Variants in CSMD3 observed in about 807,000 individuals in gnomAD.
The protein encoded by CSMD3 is CUB and sushi domain-containing protein 3.
CSMD3 carries 177 observed loss-of-function variants against 435.2 expected under a neutral mutation model. That is an observed-to-expected ratio of 0.41 (90% confidence interval 0.36 to 0.46). The LOEUF (loss-of-function observed/expected upper bound fraction) is 0.46, where lower values mean the gene tolerates loss of function less well. Ranked by LOEUF, CSMD3 falls within the 20% of genes least tolerant of loss-of-function variation. The pLI is 0.34. For synonymous variants in CSMD3, 1,656 were observed against 1,520.5 expected, an observed-to-expected ratio of 1.09 and a Z score of -2.07; for missense variants, 4,265 against 4,504.6, an observed-to-expected ratio of 0.95 and a Z score of 1.52.
chr8:112,585,124 A>G (rs1356027301), intron 23 of CSMD3, among the ~76,000 whole-genome samples: 1 of 151,626 alleles, frequency 6.6e-6, no homozygotes, highest in South Asian at 2.1e-4. Flanking sequence ...CAAATAAGGA[A>G]TCTAAAAGTT....
rs186243008 is a variant in CSMD3, at chr8:113,062,581, G to T, written c.917+36175C>A. On this transcript the variant is annotated intron_variant, in intron 5 of 70. Transcript: ENST00000297405. ...AAGCAGTAGGTATTAAAAAGCAGTTGAATAGGCCTATTACTACTGCTTATT... is the reference window on the plus strand; with the variant it reads ...AAGCAGTAGGTATTAAAAAGCAGTTTAATAGGCCTATTACTACTGCTTATT... Among the ~76,000 whole-genome samples, 478 of 151,774 alleles carry T rather than the reference G, an allele frequency of 3.1e-3. 1 individual carries two copies. The highest frequency in any genetic ancestry group is 0.01 in the African/African-American group (420 of 41,480).
At chr8:113,066,850 G>A (rs2088881371) in intron 5 of CSMD3, among the ~76,000 whole-genome samples, 1 of 152,038 alleles carries the variant, frequency 6.6e-6, no homozygotes, top group Non-Finnish European at 1.5e-5. Context: ...CATATAGGAT[G>A]GGACTAAGAA....
intron 1 of CSMD3, among the ~76,000 whole-genome samples, chr8:113,351,304 T>C (rs1197244623): frequency 1.3e-5 from 2 of 152,152 alleles, no homozygotes; most frequent in Admixed American, 1.3e-4. Flanking sequence ...AGATAGTTCC[T>C]ATAAAGGTAG....
intron 32 of CSMD3, among the ~76,000 whole-genome samples, chr8:112,462,071 T>A (rs920362359): frequency 3.9e-5 from 6 of 152,190 alleles, no homozygotes; most frequent in Non-Finnish European, 8.8e-5. Flanking sequence ...ACATGGCCAA[T>A]TAGAGGCAAA....
At chr8:113,262,413 T>C (rs1394760538) in intron 3 of CSMD3, among the ~76,000 whole-genome samples, 1 of 152,058 alleles carries the variant, frequency 6.6e-6, no homozygotes, top group Non-Finnish European at 1.5e-5. Context: ...CATAATATAG[T>C]AGGCATAATT....
intron 3 of CSMD3, among the ~76,000 whole-genome samples, chr8:113,238,797 C>T (rs72687685): frequency 0.066 from 10,032 of 152,176 alleles, 448 homozygotes; most frequent in Non-Finnish European, 0.095. Context: ...GCAGGAGAAT[C>T]CCCTCTGGCA....
rs570259934 is a variant in CSMD3 at position 113,226,944 on chromosome 8, G to A, written c.514+51648C>T. On this transcript the variant is annotated intron_variant, in intron 3 of 70. Transcript: ENST00000297405. ...GGATATTGATATTACTGACTTTCTG[G>A]GATTGCTTCTGCCTAATATTATCTA... Among the ~76,000 whole-genome samples the A allele has an allele frequency of 4.0e-5, 6 of 151,534 alleles. No individual in the cohort carries two copies. In the South Asian group the frequency reaches 1.2e-3, roughly 31 times the overall value.
intron 6 of CSMD3, among the ~76,000 whole-genome samples, chr8:112,993,350 T>A (rs189728868): frequency 6.6e-6 from 1 of 151,732 alleles, no homozygotes; most frequent in East Asian, 1.9e-4. Context: ...ATTTAGAAAA[T>A]TTTCATCTCC....
intron 29 of CSMD3, 82 bp downstream of exon 29, chr8:112,506,609 G>A (rs2130929369): frequency 1.5e-6 from 2 of 1,305,118 alleles, no homozygotes; most frequent in Non-Finnish European, 2.2e-6. Flanking sequence ...ACAGAAATAG[G>A]AATTAGTCTA....
At chr8:112,946,941 T>C (rs1279006408) in intron 9 of CSMD3, among the ~76,000 whole-genome samples, 3 of 151,642 alleles carry the variant, frequency 2.0e-5, no homozygotes, top group African/African-American at 7.2e-5. Context: ...TTTTTCTTCA[T>C]AGAGATATTC....
chr8:112,801,829 C>T (rs574602527), intron 12 of CSMD3, among the ~76,000 whole-genome samples: 1 of 152,080 alleles, frequency 6.6e-6, no homozygotes, highest in African/African-American at 2.4e-5. Context: ...ATAGCATGTA[C>T]ATCAGCTATA....
intron 22 of CSMD3, among the ~76,000 whole-genome samples, chr8:112,625,147 G>A: frequency 6.6e-6 from 1 of 151,998 alleles, no homozygotes; most frequent in East Asian, 1.9e-4. Context: ...AAAGTCATAG[G>A]AAATTTGGGA....
In CSMD3 at chr8:112,319,934, C is replaced by T. The variant is rs773768636; in HGVS notation, c.7213G>A (p.Glu2405Lys). The T allele has an allele frequency of 1.2e-6, 2 of 1,612,992 alleles. No individual in the cohort carries two copies. The highest frequency in any genetic ancestry group is 1.7e-6 in the Non-Finnish European group (2 of 1,179,224). The change falls in exon 46 of 71, where the codon GAA becomes AAA. Residue 2405 changes from glutamate (E) to lysine (K), a missense_variant. Glu to Lys is a moderately conservative substitution (Grantham distance 56, BLOSUM62 1). Around this residue, in one of 3 missense-constraint regions of CSMD3, gnomAD observed 3,255 missense variants for 3,380.2 expected, o/e 0.96. Coordinates refer to ENST00000297405, the MANE Select transcript of CSMD3 (RefSeq NM_198123.2). ...AATTCATCATCTTCCGTCAAAATTT[C>T]AGCATTGGGCACAGGTGGTGGAGGT... The part of the protein sequence containing the change: ...CQPPPPVPNA[E>K]ILTEDDEFEI...
intron 7 of CSMD3, among the ~76,000 whole-genome samples, chr8:112,959,205 TA>T (rs1343332897): frequency 6.6e-6 from 1 of 152,082 alleles, no homozygotes; most frequent in East Asian, 1.9e-4. Flanking sequence ...TTGTTTTAAT[TA>T]GAAATAATTA....
intron 36 of CSMD3, among the ~76,000 whole-genome samples, chr8:112,385,981 A>C (rs1469013873): frequency 6.6e-6 from 1 of 152,148 alleles, no homozygotes; most frequent in Non-Finnish European, 1.5e-5. Context: ...TTAATTTAAG[A>C]ATCTTGAGAA....
chr8:112,322,514 A>T (rs1421674145), intron 45 of CSMD3, among the ~76,000 whole-genome samples: 1 of 152,090 alleles, frequency 6.6e-6, no homozygotes, highest in Non-Finnish European at 1.5e-5. Flanking sequence ...ACTCTACTTC[A>T]ATAAGAACAA....
rs2130382665 is a variant in CSMD3, at chr8:112,263,704, G to A, written c.9797C>T (p.Ser3266Phe). The A allele has an allele frequency of 1.2e-6, 2 of 1,613,778 alleles. No homozygotes were observed. The highest frequency in any genetic ancestry group is 1.7e-6 in the Non-Finnish European group (2 of 1,179,792). Residue 3266 changes from serine to phenylalanine, a missense_variant, in exon 61 of 71, where the codon TCC becomes TTC. Transcript: ENST00000297405. ...SYICSPGYEL[S>F]FPAVLTCVGN... Reference sequence around the variant, plus strand: ...TACACAGGTCAAAACAGCAGGGAAGGATAGCTCATAGCCTGGAGAACAGAT... The same window carrying A: ...TACACAGGTCAAAACAGCAGGGAAGAATAGCTCATAGCCTGGAGAACAGAT...
intron 64 of CSMD3, 66 bp from the exon 65 acceptor site, chr8:112,244,639 G>T: frequency 8.0e-7 from 1 of 1,244,370 alleles, no homozygotes; most frequent in South Asian, 1.2e-5. Flanking sequence ...TGAGACAGGA[G>T]TCACAATATA....
At chr8:113,137,130 A>C (rs1236649108) in intron 4 of CSMD3, among the ~76,000 whole-genome samples, 1 of 151,756 alleles carries the variant, frequency 6.6e-6, no homozygotes, top group Non-Finnish European at 1.5e-5. Flanking sequence ...TAATGAAGGT[A>C]GAAATCAGAC....
Sources: allele counts gnomAD v4.1 joint callset (sites outside exome capture counted in the v4.1 genomes callset), GRCh38; gene constraint gnomAD v4.1.1; regional missense constraint gnomAD v4.1.1; transcripts MANE v1.5; gene names NCBI Gene and HGNC (gene_info 2026-07-23, HGNC 2026-07-21).